The following PRKN variants were observed in gnomAD, a reference collection of about 807,000 sequenced individuals.
PRKN encodes parkin RBR E3 ubiquitin protein ligase.
In PRKN, 56 loss-of-function variants were observed where a neutral mutation model predicts 59.5. The ratio of observed to expected loss-of-function variants is 0.94; its 90% CI spans 0.76 to 1.18. PRKN has a LOEUF of 1.18. PRKN is among the 50% of genes most tolerant of loss of function. The probability of loss-of-function intolerance (pLI) is 0.00; values close to 1 mark genes in which losing one functional copy is unlikely to be tolerated. For missense variants in PRKN, 657 were observed against 596.4 expected (o/e 1.10, Z -1.06); for synonymous variants, 250 against 222.1 (o/e 1.13, Z -1.12).
At chr6:162,322,686 C>T (rs555730438) in intron 2 of PRKN, among the ~76,000 whole-genome samples, 18 of 152,072 alleles carry the variant, frequency 1.2e-4, no homozygotes, top group South Asian at 2.1e-4. Flanking sequence ...TGATAAAGGA[C>T]GGTCTTTTAA....
At chr6:162,394,591 G>A (rs1047354977) in intron 2 of PRKN, among the ~76,000 whole-genome samples, 9 of 152,206 alleles carry the variant, frequency 5.9e-5, no homozygotes, top group African/African-American at 1.7e-4. Flanking sequence ...AAGGCTTCCC[G>A]GTAGAAATTT....
intron 7 of PRKN, among the ~76,000 whole-genome samples, chr6:161,589,443 A>T (rs549213718): frequency 6.6e-6 from 1 of 152,214 alleles, no homozygotes; most frequent in African/African-American, 2.4e-5. Flanking sequence ...GAGTATCTGT[A>T]TTCGATGGTA....
chr6:162,156,702 C>G (rs1376104736), intron 4 of PRKN, among the ~76,000 whole-genome samples: 2 of 152,140 alleles, frequency 1.3e-5, no homozygotes, highest in Non-Finnish European at 2.9e-5. Context: ...AAAAGTTAAT[C>G]TCTTTTGGCA....
intron 9 of PRKN, among the ~76,000 whole-genome samples, chr6:161,436,171 T>G (rs1307712054): frequency 2.5e-5 from 2 of 79,354 alleles, no homozygotes; most frequent in Non-Finnish European, 4.7e-5. Context: ...GGGGGCGAGA[T>G]GGGAGGGCAG....
chr6:161,879,473 G>A (rs367774756), intron 6 of PRKN, among the ~76,000 whole-genome samples: 3 of 149,832 alleles, frequency 2.0e-5, no homozygotes, highest in African/African-American at 2.5e-5. Flanking sequence ...TCAGTCTCCC[G>A]AGTAGCTGGG....
intron 1 of PRKN, chr6:162,624,420 A>T (rs1782803315): frequency 6.6e-6 from 1 of 152,200 alleles, no homozygotes; most frequent in Admixed American, 6.5e-5. Flanking sequence ...TAACATTTCC[A>T]TGTAACCACA....
chr6:162,614,674 C>T (rs867789081), intron 1 of PRKN, among the ~76,000 whole-genome samples: 24 of 152,258 alleles, frequency 1.6e-4, no homozygotes, highest in Admixed American at 7.8e-4. Context: ...GGCCACAACA[C>T]GTATCTGAGC....
chr6:162,639,556 T>C (rs1274926973), intron 1 of PRKN, among the ~76,000 whole-genome samples: 1 of 152,124 alleles, frequency 6.6e-6, no homozygotes, highest in East Asian at 1.9e-4. Flanking sequence ...CAGATAGAAA[T>C]TATCTGTATC....
At chr6:161,801,181 T>C (rs1395737773) in intron 6 of PRKN, among the ~76,000 whole-genome samples, 1 of 152,150 alleles carries the variant, frequency 6.6e-6, no homozygotes, top group African/African-American at 2.4e-5. Flanking sequence ...CTGCATAAGT[T>C]CCACCCACAT....
chr6:162,623,298 TTTC>T (rs1782753641), intron 1 of PRKN, among the ~76,000 whole-genome samples: 1 of 92,446 alleles, frequency 1.1e-5, no homozygotes, highest in African/African-American at 5.6e-5. Context: ...ATTGGCTTTT[TTTC>T]TTAATTTCAG....
At position 161,445,813 on chromosome 6, in the gene PRKN, C is replaced by T. The variant is rs186421878; in HGVS notation, c.1084-58936G>A. Among the ~76,000 whole-genome samples the T allele has an allele frequency of 3.6e-3, 545 of 152,096 alleles. 3 individuals carry two copies. The highest frequency in any genetic ancestry group is 0.01 in the South Asian group (50 of 4,820). ...CAAGGGGTTTCCCTTCCCTTCCCTT[C>T]CCTTCCCTTCCCTTCCCTTCCCTAT... On this transcript the variant is annotated intron_variant, in intron 9 of 11. Transcript: ENST00000366898. This position sits in a 1 kb window ranked among gnomAD's most constrained non-coding sequence, Gnocchi z 7.7.
chr6:161,403,348 T>A (rs11961819), intron 9 of PRKN, among the ~76,000 whole-genome samples: 1,910 of 152,288 alleles, frequency 0.013, 38 homozygotes, highest in African/African-American at 0.044. Context: ...ATTGTTTTGA[T>A]AATAACAATG....
chr6:161,881,811 T>C (rs1583293922), intron 6 of PRKN, among the ~76,000 whole-genome samples: 1 of 152,228 alleles, frequency 6.6e-6, no homozygotes, highest in East Asian at 1.9e-4. Context: ...AACACAGAAG[T>C]CGTGGCTCCT....
intron 6 of PRKN, among the ~76,000 whole-genome samples, chr6:161,854,602 C>T (rs890320863): frequency 1.3e-5 from 2 of 151,980 alleles, no homozygotes; most frequent in Admixed American, 1.3e-4. Flanking sequence ...TATACATATA[C>T]CTACATCTAA....
intron 1 of PRKN, among the ~76,000 whole-genome samples, chr6:162,458,432 A>C (rs1036303435): frequency 3.3e-5 from 5 of 151,378 alleles, no homozygotes; most frequent in Non-Finnish European, 7.4e-5. Flanking sequence ...ATCTCAAAAA[A>C]AAAAAAAAAA....
intron 1 of PRKN, among the ~76,000 whole-genome samples, chr6:162,496,241 G>GA (rs1351551973): frequency 6.6e-6 from 1 of 151,124 alleles, no homozygotes; most frequent in Non-Finnish European, 1.5e-5. Flanking sequence ...AGTCTCGGGG[G>GA]AAAAAAAAGA....
At chr6:162,357,929 G>C (rs1291427947) in intron 2 of PRKN, among the ~76,000 whole-genome samples, 1 of 152,172 alleles carries the variant, frequency 6.6e-6, no homozygotes, top group Non-Finnish European at 1.5e-5. Flanking sequence ...AGATGAGTAC[G>C]TGGAGTACAG....
intron 1 of PRKN, among the ~76,000 whole-genome samples, chr6:162,481,916 C>A (rs1382220897): frequency 6.6e-6 from 1 of 152,080 alleles, no homozygotes; most frequent in Non-Finnish European, 1.5e-5. Flanking sequence ...AATCCTCAGA[C>A]TGAAATTATT....
intron 1 of PRKN, among the ~76,000 whole-genome samples, chr6:162,581,842 A>G (rs1780805160): frequency 6.6e-6 from 1 of 152,214 alleles, no homozygotes; most frequent in Non-Finnish European, 1.5e-5. Flanking sequence ...TAACTGAACT[A>G]TCTGCACATT....
Sources: allele counts gnomAD v4.1 joint callset (sites outside exome capture counted in the v4.1 genomes callset), GRCh38; gene constraint gnomAD v4.1.1; non-coding constraint Gnocchi (gnomAD v3.1); transcripts MANE v1.5; gene names NCBI Gene and HGNC (gene_info 2026-07-23, HGNC 2026-07-21).